The following TRIM37 variants were observed in gnomAD, a reference collection of about 807,000 sequenced individuals.
TRIM37 encodes tripartite motif containing 37, also known as E3 ubiquitin-protein ligase TRIM37.
In TRIM37, 80 loss-of-function variants were observed where a neutral mutation model predicts 129.8. The observed-to-expected ratio is 0.62, with a 90% CI of 0.51 to 0.74. TRIM37 has a LOEUF of 0.74. Ranked by LOEUF, TRIM37 falls within the 30% of genes least tolerant of loss-of-function variation. The probability of loss-of-function intolerance (pLI) is 0.00; values close to 1 mark genes in which losing one functional copy is unlikely to be tolerated. For missense variants in TRIM37, 1,054 were observed against 1,176.5 expected (o/e 0.90, Z 1.52); for synonymous variants, 389 against 387.1 (o/e 1.00, Z -0.06).
intron 24 of TRIM37, among the ~76,000 whole-genome samples, chr17:58,991,035 T>C (rs1301288238): frequency 1.3e-5 from 2 of 148,894 alleles, no homozygotes; most frequent in African/African-American, 2.5e-5. Context: ...ATGAGCTAGG[T>C]GTGGTGGCGC....
At chr17:58,982,688 G>T in exon 25 of TRIM37, 1 of 477,472 alleles carries the variant, frequency 2.1e-6, no homozygotes. Context: ...TTAAAATTTG[G>T]ATGTAAGTAG....
rs2043955376 is a variant in TRIM37 at position 59,088,275 on chromosome 17, G to C, written c.281+16C>G. ...CAAAATCCATTCAATATTGAACAAA[G>C]AAATTGAGGACATACTTGTCCTTTT... is the stretch of plus-strand genomic sequence containing the variant. On this transcript the variant is annotated intron_variant, in intron 4 of 23. Coordinates refer to ENST00000262294, the MANE Select transcript of TRIM37 (RefSeq NM_015294.6). 15 of 1,541,858 alleles carry C rather than the reference G, an allele frequency of 9.7e-6. No individual in the cohort carries two copies. The highest frequency in any genetic ancestry group is 1.3e-5 in the Non-Finnish European group (15 of 1,114,982).
intron 16 of TRIM37, among the ~76,000 whole-genome samples, chr17:59,047,112 C>T (rs2039897995): frequency 6.6e-6 from 1 of 150,770 alleles, no homozygotes; most frequent in Non-Finnish European, 1.5e-5. Flanking sequence ...GAGATCATGC[C>T]ACTGCACTCC....
At chr17:59,105,352 A>G (rs1021706600) in intron 1 of TRIM37, among the ~76,000 whole-genome samples, 22 of 152,276 alleles carry the variant, frequency 1.4e-4, no homozygotes, top group African/African-American at 4.8e-4. Flanking sequence ...TTCTGCCCCA[A>G]TTGAAAATGT....
At chr17:58,979,761 A>G (rs1240704157), downstream of TRIM37, among the ~76,000 whole-genome samples, 1 of 152,198 alleles carries the variant, frequency 6.6e-6, no homozygotes, top group East Asian at 1.9e-4. Context: ...ATGCCCAGTA[A>G]CTAGCAATTA....
chr17:59,042,441 AAAAAAAAAAT>A (rs1568065610), intron 16 of TRIM37, among the ~76,000 whole-genome samples: 2,346 of 84,302 alleles, frequency 0.028, 41 homozygotes, highest in Non-Finnish European at 0.041. Context: ...TAAAAAAAAA[AAAAAAAAAAT>A]ATATATATAT....
At chr17:58,971,638 G>C in the TRIM37 span, among the ~76,000 whole-genome samples, 1 of 152,162 alleles carries the variant, frequency 6.6e-6, no homozygotes, top group Admixed American at 6.5e-5. Context: ...CCAGAGATTA[G>C]AGCATCTGTT....
intron 6 of TRIM37, among the ~76,000 whole-genome samples, chr17:59,080,344 T>C (rs1162972413): frequency 6.6e-6 from 1 of 152,186 alleles, no homozygotes; most frequent in Non-Finnish European, 1.5e-5. Context: ...TAAACAGTAA[T>C]GTTAAATATT....
At chr17:59,037,979 G>C (rs1244720510) in intron 17 of TRIM37, among the ~76,000 whole-genome samples, 1 of 152,118 alleles carries the variant, frequency 6.6e-6, no homozygotes, top group Non-Finnish European at 1.5e-5. Context: ...ATTAGATTGT[G>C]TTTGTGGGTT....
intron 22 of TRIM37, among the ~76,000 whole-genome samples, chr17:59,004,820 C>G (rs922770508): frequency 1.3e-5 from 2 of 152,222 alleles, no homozygotes; most frequent in African/African-American, 4.8e-5. Flanking sequence ...TGTGGCCCCA[C>G]ATGGCTTCAG....
At chr17:58,973,825 G>A in the TRIM37 span, among the ~76,000 whole-genome samples, 1 of 151,924 alleles carries the variant, frequency 6.6e-6, no homozygotes, top group African/African-American at 2.4e-5. Context: ...TGTGGCACAC[G>A]TCTGTAGTCC....
At chr17:59,078,721 A>C (rs892795367) in intron 7 of TRIM37, among the ~76,000 whole-genome samples, 5 of 152,200 alleles carry the variant, frequency 3.3e-5, no homozygotes, top group Admixed American at 2.0e-4. Context: ...TTTACATGAA[A>C]TATATAAGTG....
intron 3 of TRIM37, among the ~76,000 whole-genome samples, chr17:59,089,224 A>G (rs1302171552): frequency 6.6e-6 from 1 of 152,212 alleles, no homozygotes; most frequent in Non-Finnish European, 1.5e-5. Context: ...TCTGCACTCC[A>G]GCCTGGGGAA....
intron 9 of TRIM37, among the ~76,000 whole-genome samples, chr17:59,067,290 A>AT (rs1250696932): frequency 6.6e-6 from 1 of 151,984 alleles, no homozygotes; most frequent in Non-Finnish European, 1.5e-5. Flanking sequence ...TAGTTTTAAA[A>AT]TTTTCTCCTC....
intron 22 of TRIM37, among the ~76,000 whole-genome samples, chr17:59,005,900 G>A (rs2034425343): frequency 6.6e-6 from 1 of 152,154 alleles, no homozygotes. Flanking sequence ...TTATAATGAG[G>A]ACTGATTTGT....
chr17:59,049,984 C>T (rs553062113), intron 14 of TRIM37, among the ~76,000 whole-genome samples: 20 of 152,270 alleles, frequency 1.3e-4, no homozygotes, highest in African/African-American at 4.8e-4. Flanking sequence ...ACATGAAAAT[C>T]TCTGAAAGCA....
At chr17:59,071,283 CTTTT>C (rs962225941) in intron 8 of TRIM37, among the ~76,000 whole-genome samples, 4 of 121,330 alleles carry the variant, frequency 3.3e-5, no homozygotes, top group African/African-American at 9.2e-5. Flanking sequence ...AAGTTGAAAG[CTTTT>C]TTTTTTTTTT....
chr17:59,031,914 A>T lies in TRIM37; in HGVS notation c.1930T>A (p.Ser644Thr), dbSNP rs1227577771. ...ATTTTACCTGTGGGCTGCAGAAGTG[A>T]AGCAGGTGGGCGAGGCTGTAAGCCC... ...LWGLQPRPPA[S>T]LLQPTASYSR... The change falls in exon 18 of 24, where the codon TCA (serine) becomes ACA (threonine). Residue 644 changes from serine to threonine, a missense_variant. Transcript: ENST00000262294. The T allele has an allele frequency of 1.2e-6, 2 of 1,614,048 alleles. No individual in the cohort carries two copies. The highest frequency in any genetic ancestry group is 1.7e-6 in the Non-Finnish European group (2 of 1,179,940).
At chr17:59,026,750 T>C (rs558889316) in intron 19 of TRIM37, among the ~76,000 whole-genome samples, 2 of 152,306 alleles carry the variant, frequency 1.3e-5, no homozygotes, top group South Asian at 4.2e-4. Flanking sequence ...GTCCCTGACC[T>C]CATTCACTCT....
Sources: allele counts gnomAD v4.1 joint callset (sites outside exome capture counted in the v4.1 genomes callset), GRCh38; gene constraint gnomAD v4.1.1; transcripts MANE v1.5; gene names NCBI Gene and HGNC (gene_info 2026-07-23, HGNC 2026-07-21).